GABRB3: variants seen among roughly 807,000 people sequenced by gnomAD.
The protein encoded by GABRB3 is gamma-aminobutyric acid receptor subunit beta-3.
In GABRB3, 14 loss-of-function variants were observed where a neutral mutation model predicts 52.1. That is an observed-to-expected ratio of 0.27 (90% CI 0.18 to 0.42). The LOEUF (loss-of-function observed/expected upper bound fraction) is 0.42. Among genes scored for constraint, GABRB3 ranks in the 10% least tolerant of loss-of-function variants. The pLI is 1.00. For missense variants in GABRB3, 307 were observed against 609.1 expected (o/e 0.50, Z 5.22); for synonymous variants, 260 against 232.3 (o/e 1.12, Z -1.08).
At chr15:26,669,827 A>G (rs1887832511) in intron 3 of GABRB3, among the ~76,000 whole-genome samples, 1 of 152,072 alleles carries the variant, frequency 6.6e-6, no homozygotes, top group African/African-American at 2.4e-5. Flanking sequence ...AGTTGTTTCA[A>G]GGTTCTTGTT....
intron 3 of GABRB3, among the ~76,000 whole-genome samples, chr15:26,681,549 A>C (rs923744328): frequency 6.6e-6 from 1 of 152,204 alleles, no homozygotes; most frequent in Non-Finnish European, 1.5e-5. Context: ...TGTTTTCAAG[A>C]GTTGAGATAT....
At chr15:26,678,052 AAC>A (rs1555375779) in intron 3 of GABRB3, among the ~76,000 whole-genome samples, 54 of 151,932 alleles carry the variant, frequency 3.6e-4, no homozygotes, top group African/African-American at 1.2e-3. Flanking sequence ...CCAAAGAAAA[AAC>A]AGAGTGGGTG....
At chr15:26,646,464 A>G (rs971222112) in intron 3 of GABRB3, among the ~76,000 whole-genome samples, 2 of 152,218 alleles carry the variant, frequency 1.3e-5, no homozygotes, top group African/African-American at 4.8e-5. Flanking sequence ...TTTACCAGTT[A>G]GTGAGCATGT....
chr15:26,551,818 G>C (rs1238144725), intron 8 of GABRB3, among the ~76,000 whole-genome samples: 1 of 152,118 alleles, frequency 6.6e-6, no homozygotes, highest in Admixed American at 6.5e-5. Context: ...GGACAGCCAG[G>C]CTGAGTGCTT....
chr15:26,637,987 T>TA (rs1893101575), intron 3 of GABRB3, among the ~76,000 whole-genome samples: 1 of 152,204 alleles, frequency 6.6e-6, no homozygotes, highest in Non-Finnish European at 1.5e-5. Flanking sequence ...AAGTGCAGCT[T>TA]ACAATGCTTT....
chr15:26,606,805 T>TATCGATAGATAGATAG (rs1275882932), intron 4 of GABRB3, among the ~76,000 whole-genome samples: 1 of 117,950 alleles, frequency 8.5e-6, no homozygotes, highest in Admixed American at 8.8e-5. Flanking sequence ...TAGATATATC[T>TATCGATAGATAGATAG]ATAGATAGAT....
chr15:26,573,834 GA>G (rs1189183067), intron 6 of GABRB3, among the ~76,000 whole-genome samples: 2 of 152,172 alleles, frequency 1.3e-5, no homozygotes, highest in Non-Finnish European at 2.9e-5. Flanking sequence ...AGGATTGCTT[GA>G]ACCCAGGAGT....
chr15:26,616,208 G>T, intron 4 of GABRB3: 1 of 538,132 alleles, frequency 1.9e-6, no homozygotes, highest in Non-Finnish European at 3.1e-6. Context: ...GAGGGTGGCT[G>T]AGCCATGTGA....
intron 4 of GABRB3, among the ~76,000 whole-genome samples, chr15:26,591,786 A>T (rs1367800013): frequency 6.6e-6 from 1 of 152,256 alleles, no homozygotes; most frequent in Non-Finnish European, 1.5e-5. Context: ...CCAAAACAGT[A>T]ACCACCAACC....
At chr15:26,580,250 T>C in intron 6 of GABRB3, 69 bp downstream of exon 6, 1 of 1,587,918 alleles carries the variant, frequency 6.3e-7, no homozygotes. Context: ...TGGCAGCACA[T>C]TTTGTCACTC....
chr15:26,710,757 C>T (rs1450227670), intron 3 of GABRB3, among the ~76,000 whole-genome samples: 1 of 152,110 alleles, frequency 6.6e-6, no homozygotes, highest in African/African-American at 2.4e-5. Context: ...AAAGAGTGTG[C>T]CCATTTTTCA....
At chr15:26,766,168 C>G (rs1397142190) in intron 3 of GABRB3, among the ~76,000 whole-genome samples, 1 of 152,188 alleles carries the variant, frequency 6.6e-6, no homozygotes, top group Non-Finnish European at 1.5e-5. Flanking sequence ...CAAAAGATTT[C>G]AAATGTCTGA....
At position 26,628,989 on chromosome 15, in the gene GABRB3, G is replaced by C; in HGVS notation, c.241-7455C>G. 2.0e-6 allele frequency: 3 copies of C among 1,536,148 alleles called. No homozygotes were observed. The Admixed American group carries it at 5.9e-5, about 30-fold the overall frequency. The stretch of plus-strand genomic sequence containing the variant: ...CCCCGACTTTTACCTCTTCTGTCTG[G>C]TAGGTGGCCCACATGGGGACACGAG... On this transcript the variant is annotated intron_variant, in intron 3 of 8. Transcript: ENST00000311550.
At chr15:26,764,171 AAAAAAAAAATATATATATAT>A (rs1890915696) in intron 3 of GABRB3, among the ~76,000 whole-genome samples, 1 of 21,768 alleles carries the variant, frequency 4.6e-5, no homozygotes, top group Non-Finnish European at 9.0e-5. Flanking sequence ...AAAAAAAAAA[AAAAAAAAAATATATATATAT>A]ATATATATAT....
chr15:26,578,011 C>A (rs1484879597), intron 6 of GABRB3, among the ~76,000 whole-genome samples: 1 of 152,080 alleles, frequency 6.6e-6, no homozygotes, highest in Non-Finnish European at 1.5e-5. Context: ...GGGCAGGAAC[C>A]CCTGGCCTCA....
intron 3 of GABRB3, among the ~76,000 whole-genome samples, chr15:26,713,968 C>G (rs1207561420): frequency 6.6e-6 from 1 of 152,222 alleles, no homozygotes; most frequent in African/African-American, 2.4e-5. Context: ...CCCAGGCACA[C>G]TTGCCATGGC....
intron 3 of GABRB3, among the ~76,000 whole-genome samples, chr15:26,629,673 C>G (rs1892857518): frequency 6.6e-6 from 1 of 152,134 alleles, no homozygotes; most frequent in Non-Finnish European, 1.5e-5. Flanking sequence ...CTCACATCAC[C>G]AAACTCTTCA....
At chr15:26,733,773 GAC>G (rs1284548263) in intron 3 of GABRB3, among the ~76,000 whole-genome samples, 1 of 152,102 alleles carries the variant, frequency 6.6e-6, no homozygotes, top group Non-Finnish European at 1.5e-5. Context: ...TGTAAACACA[GAC>G]ACACAGATCA....
At chr15:26,656,430 T>G (rs1463534981) in intron 3 of GABRB3, among the ~76,000 whole-genome samples, 6 of 152,202 alleles carry the variant, frequency 3.9e-5, no homozygotes, top group Non-Finnish European at 5.9e-5. Context: ...TTACGATTTT[T>G]CCTTAAGTAC....
Sources: allele counts gnomAD v4.1 joint callset (sites outside exome capture counted in the v4.1 genomes callset), GRCh38; gene constraint gnomAD v4.1.1; transcripts MANE v1.5; gene names NCBI Gene and HGNC (gene_info 2026-07-23, HGNC 2026-07-21).